Variants in SIN3A observed in about 807,000 individuals in gnomAD.
SIN3A encodes SIN3 transcription regulator family member A.
A neutral mutation model predicts 146.1 loss-of-function variants in SIN3A; 14 were observed. The ratio of observed to expected loss-of-function variants is 0.10; its 90% CI spans 0.06 to 0.15. SIN3A has a LOEUF of 0.15. Among genes scored for constraint, SIN3A ranks in the 10% least tolerant of loss-of-function variants. The pLI, the probability that SIN3A is intolerant of heterozygous loss-of-function variation, is 1.00. For synonymous variants in SIN3A, 572 were observed against 572.0 expected (o/e 1.00, Z 0.00); for missense variants, 1,028 against 1,576.0 (o/e 0.65, Z 5.89).
chr15:75,445,221 A>G (rs1343293817), intron 1 of SIN3A, among the ~76,000 whole-genome samples: 4 of 151,896 alleles, frequency 2.6e-5, no homozygotes, highest in Non-Finnish European at 5.9e-5. Context: ...TCTCTACTAA[A>G]AATACAAAAA....
At chr15:75,445,402 A>T (rs1048639896) in intron 1 of SIN3A, among the ~76,000 whole-genome samples, 4 of 149,764 alleles carry the variant, frequency 2.7e-5, no homozygotes, top group African/African-American at 9.8e-5. Flanking sequence ...AAAAAAAAAA[A>T]AAATTAGCCA....
At position 75,380,612 on chromosome 15, in the gene SIN3A, T is replaced by C. The variant is rs772295549; in HGVS notation, c.3383+17A>G. On this transcript the variant is annotated intron_variant, in intron 19 of 20. Transcript: ENST00000394947. Reference sequence around the variant, plus strand: ...ATGCACAGTATGGACTGCTGACAGATGACATGGCTCACTCACCTGGGGAGA... The same window carrying C: ...ATGCACAGTATGGACTGCTGACAGACGACATGGCTCACTCACCTGGGGAGA... 2.7e-5 allele frequency: 43 copies of C among 1,580,798 alleles called. No homozygotes were observed. Among genetic ancestry groups the C allele is most frequent in the Admixed American group, 6.7e-5 (4 of 59,968 alleles).
intron 2 of SIN3A, among the ~76,000 whole-genome samples, chr15:75,427,451 T>G (rs2073944298): frequency 6.6e-6 from 1 of 151,794 alleles, no homozygotes; most frequent in Non-Finnish European, 1.5e-5. Flanking sequence ...GCGGATCACC[T>G]GAGGTCAAGA....
rs139541749 is a variant in SIN3A, at chr15:75,412,885, G to A, written c.634C>T (p.Pro212Ser). 1.9e-6 allele frequency: 3 copies of A among 1,613,644 alleles called. No homozygotes were observed. The highest frequency in any genetic ancestry group is 2.2e-5 in the East Asian group (1 of 44,826). ...GGCTGTGGCTGGATGCCATGGGTGG[G>A]AATCTGATGAACCTGGCCAGGAGTT... ...VTTPGQVHQI[P>S]THGIQPQPQP... The change falls in exon 5 of 21, where the codon CCC becomes TCC. Residue 212 changes from proline (P) to serine (S), a missense_variant. By Grantham distance (74) the Pro-to-Ser change is moderately conservative. Around this residue, in one of 9 missense-constraint regions of SIN3A, gnomAD observed 112 missense variants for 135.7 expected, o/e 0.83. Transcript: ENST00000394947.
chr15:75,381,505 A>C, intron 18 of SIN3A, 108 bp downstream of exon 18: 1 of 778,786 alleles, frequency 1.3e-6, no homozygotes, highest in Admixed American at 2.3e-5. Flanking sequence ...CTGACCCTTA[A>C]ACAGGCCTGA....
rs1256415001 is a variant in SIN3A, at chr15:75,392,366, A to T, written c.2727T>A (p.Ile909=). The change falls in exon 15 of 21, where the codon ATT becomes ATA. Residue 909 remains isoleucine, a synonymous_variant. Transcript: ENST00000394947. ...HQILCLRLLR[I]CSQAERQIEE... ...CAATTTGCCGTTCGGCTTGGGAACA[A>T]ATCCGTAGCAGCCTCAGGCAGAGAA... 1.2e-6 allele frequency: 2 copies of T among 1,614,124 alleles called. No individual in the cohort carries two copies. Among genetic ancestry groups the T allele is most frequent in the African/African-American group, 2.7e-5 (2 of 74,930 alleles).
intron 1 of SIN3A, among the ~76,000 whole-genome samples, chr15:75,435,698 CAAAAAA>C (rs59093415): frequency 3.5e-5 from 2 of 57,300 alleles, no homozygotes; most frequent in Admixed American, 3.9e-4. Flanking sequence ...AACTACGTCT[CAAAAAA>C]AAAAAAAAAA....
intron 8 of SIN3A, 114 bp downstream of exon 8, chr15:75,409,722 G>C: frequency 1.7e-6 from 2 of 1,181,602 alleles, no homozygotes; most frequent in Non-Finnish European, 2.4e-6. Context: ...GCGAGACTCG[G>C]TCTCAAAAAA....
chr15:75,428,202 G>A lies in SIN3A; in HGVS notation c.189+1985C>T, dbSNP rs142441382. Among the ~76,000 whole-genome samples the A allele has an allele frequency of 2.3e-4, 35 of 152,280 alleles. No individual in the cohort carries two copies. The East Asian group carries it at 6.7e-3, about 29-fold the overall frequency. On this transcript the variant is annotated intron_variant, in intron 2 of 20. Transcript: ENST00000394947. ...CTGTGACACAGCAATCCCTTTCATA[G>A]GTACTTGACAAACTCTTGTATGTCC...
chr15:75,382,798 T>C (rs776409926), intron 17 of SIN3A, among the ~76,000 whole-genome samples: 4 of 151,822 alleles, frequency 2.6e-5, no homozygotes, highest in Non-Finnish European at 5.9e-5. Context: ...AATACAAAAA[T>C]TAGACCGGGT....
intron 19 of SIN3A, among the ~76,000 whole-genome samples, chr15:75,378,081 G>T (rs572257873): frequency 1.3e-5 from 2 of 152,252 alleles, no homozygotes; most frequent in South Asian, 4.1e-4. Context: ...ATTTCTTTTG[G>T]AGACACTGTA....
intron 3 of SIN3A, among the ~76,000 whole-genome samples, chr15:75,416,606 G>A (rs1003237194): frequency 1.1e-4 from 16 of 152,156 alleles, no homozygotes; most frequent in South Asian, 2.1e-4. Flanking sequence ...GATTACAGGC[G>A]TGAGCCACCA....
intron 1 of SIN3A, among the ~76,000 whole-genome samples, chr15:75,440,179 A>T (rs558648256): frequency 9.2e-5 from 14 of 152,056 alleles, no homozygotes; most frequent in South Asian, 2.1e-4. Flanking sequence ...AAATAACTTT[A>T]AAAAAACCCC....
chr15:75,451,098 G>A (rs1005740176), intron 1 of SIN3A, among the ~76,000 whole-genome samples: 2 of 151,120 alleles, frequency 1.3e-5, no homozygotes, highest in Non-Finnish European at 3.0e-5. Flanking sequence ...GAGGGGAGGG[G>A]GTGGTCGGCC....
chr15:75,424,530 G>C (rs1000682263), intron 2 of SIN3A, among the ~76,000 whole-genome samples: 1 of 152,140 alleles, frequency 6.6e-6, no homozygotes, highest in African/African-American at 2.4e-5. Flanking sequence ...CTGGAGTGCA[G>C]TGGTACAATC....
chr15:75,398,402 G>A (rs996762430), intron 12 of SIN3A, among the ~76,000 whole-genome samples: 9 of 152,122 alleles, frequency 5.9e-5, no homozygotes, highest in Admixed American at 2.6e-4. Context: ...TGGGACAGGC[G>A]CAGTGGCTCA....
At chr15:75,384,218 T>G in intron 17 of SIN3A, 46 bp downstream of exon 17, 1 of 1,500,452 alleles carries the variant, frequency 6.7e-7, no homozygotes, top group Non-Finnish European at 9.1e-7. Flanking sequence ...TCCTAACAAC[T>G]GACATTGTCA....
In SIN3A at chr15:75,378,330, C is replaced by T. The variant is rs1051987479; in HGVS notation, c.3383+2299G>A. Among the ~76,000 whole-genome samples, 9 of 152,162 alleles carry T rather than the reference C, an allele frequency of 5.9e-5. 2 individuals carry two copies. The highest frequency in any genetic ancestry group is 5.2e-4 in the Admixed American group (8 of 15,270). ...CCGTAATCACAGCACTTTGGGAGGCCGAGGTGGGAGGATCACCTGAGGTCA... is the reference window on the plus strand; with the variant it reads ...CCGTAATCACAGCACTTTGGGAGGCTGAGGTGGGAGGATCACCTGAGGTCA... On this transcript the variant is annotated intron_variant, in intron 19 of 20. Coordinates refer to ENST00000394947, the MANE Select transcript of SIN3A (RefSeq NM_001145358.2).
intron 16 of SIN3A, among the ~76,000 whole-genome samples, chr15:75,389,013 G>A (rs1187782166): frequency 6.6e-6 from 1 of 152,146 alleles, no homozygotes; most frequent in Non-Finnish European, 1.5e-5. Flanking sequence ...CAAGTTCCCA[G>A]GGTGCCACAG....
Sources: allele counts gnomAD v4.1 joint callset (sites outside exome capture counted in the v4.1 genomes callset), GRCh38; gene constraint gnomAD v4.1.1; regional missense constraint gnomAD v4.1.1; transcripts MANE v1.5; gene names NCBI Gene and HGNC (gene_info 2026-07-23, HGNC 2026-07-21).